The following FOXN3 variants were observed in gnomAD, a reference collection of about 807,000 sequenced individuals.
FOXN3 encodes the protein forkhead box N3.
A neutral mutation model predicts 38.4 loss-of-function variants in FOXN3; 7 were observed. That is an observed-to-expected ratio of 0.18 (90% CI 0.10 to 0.34). The LOEUF (loss-of-function observed/expected upper bound fraction) is 0.34, where lower values mean the gene tolerates loss of function less well. Ranked by LOEUF, FOXN3 falls within the 10% of genes least tolerant of loss-of-function variation. The probability of loss-of-function intolerance (pLI) is 1.00; values close to 1 mark genes in which losing one functional copy is unlikely to be tolerated. For missense variants in FOXN3, 456 were observed against 613.4 expected, an observed-to-expected ratio of 0.74 and a Z score of 2.71; for synonymous variants, 230 against 242.2, an observed-to-expected ratio of 0.95 and a Z score of 0.47.
chr14:89,174,447 T>C lies in FOXN3; in HGVS notation c.851+6254A>G, dbSNP rs113182631. 6.1e-3 allele frequency among the ~76,000 whole-genome samples: 932 copies of C among 152,284 alleles called. 14 individuals are homozygous for C. The highest frequency in any genetic ancestry group is 0.021 in the African/African-American group (876 of 41,558). On this transcript the variant is annotated intron_variant, in intron 5 of 5. Coordinates refer to ENST00000557258, the MANE Select transcript of FOXN3 (RefSeq NM_005197.4). ...AAACTGCTCCCCTAAACCACTGAGATAAACATGATTTCCTTTTTGCAAGAG... is the reference window on the plus strand; with the variant it reads ...AAACTGCTCCCCTAAACCACTGAGACAAACATGATTTCCTTTTTGCAAGAG...
At chr14:89,578,149 C>T (rs987575245) in intron 1 of FOXN3, among the ~76,000 whole-genome samples, 1 of 152,118 alleles carries the variant, frequency 6.6e-6, no homozygotes, top group African/African-American at 2.4e-5. Context: ...ATATAATATC[C>T]TTTGAAAGAC....
intron 1 of FOXN3, among the ~76,000 whole-genome samples, chr14:89,462,906 G>C (rs546000124): frequency 6.6e-6 from 1 of 150,514 alleles, no homozygotes; most frequent in Non-Finnish European, 1.5e-5. Flanking sequence ...GGATGGTCTC[G>C]ATCTCCTGAT....
intron 1 of FOXN3, among the ~76,000 whole-genome samples, chr14:89,574,691 A>G (rs551004541): frequency 6.6e-6 from 1 of 152,280 alleles, no homozygotes; most frequent in South Asian, 2.1e-4. Flanking sequence ...CCTATGTTGG[A>G]ATCTCAATGG....
At chr14:89,265,664 C>T (rs1885954446) in intron 4 of FOXN3, among the ~76,000 whole-genome samples, 1 of 152,190 alleles carries the variant, frequency 6.6e-6, no homozygotes, top group African/African-American at 2.4e-5. Context: ...CTTTTAAAAA[C>T]AAATCATAGA....
At chr14:89,189,798 T>A (rs149302629) in intron 4 of FOXN3, among the ~76,000 whole-genome samples, 1 of 152,296 alleles carries the variant, frequency 6.6e-6, no homozygotes, top group Non-Finnish European at 1.5e-5. Context: ...AAGGTGAGGA[T>A]GGGAGTCCTG....
At chr14:89,336,217 T>TCCAA (rs1762113781) in intron 3 of FOXN3, among the ~76,000 whole-genome samples, 3 of 1,238 alleles carry the variant, frequency 2.4e-3, no homozygotes, top group Admixed American at 0.03. Context: ...TAACGGTGCC[T>TCCAA]CCATCCATCC....
chr14:89,258,685 T>G (rs942401327), intron 4 of FOXN3, among the ~76,000 whole-genome samples: 2 of 152,274 alleles, frequency 1.3e-5, no homozygotes, highest in Non-Finnish European at 2.9e-5. Context: ...CAATTAAAGA[T>G]ATATTCAATG....
intron 3 of FOXN3, among the ~76,000 whole-genome samples, chr14:89,345,718 A>G (rs1420560639): frequency 2.0e-5 from 3 of 152,142 alleles, no homozygotes; most frequent in Non-Finnish European, 4.4e-5. Flanking sequence ...AAGTGAGAAC[A>G]TACGTTTTCC....
At chr14:89,505,655 C>G (rs983530461) in intron 1 of FOXN3, among the ~76,000 whole-genome samples, 1 of 152,070 alleles carries the variant, frequency 6.6e-6, no homozygotes, top group Non-Finnish European at 1.5e-5. Flanking sequence ...CCTGCCTTGG[C>G]CCCCCAAAGT....
chr14:89,378,624 T>A (rs1450301668), intron 2 of FOXN3, among the ~76,000 whole-genome samples: 1 of 151,590 alleles, frequency 6.6e-6, no homozygotes, highest in Non-Finnish European at 1.5e-5. Context: ...TTCTCCCTTT[T>A]GGAACAAAAA....
chr14:89,556,122 G>A (rs780047065), intron 1 of FOXN3, among the ~76,000 whole-genome samples: 5 of 152,098 alleles, frequency 3.3e-5, no homozygotes, highest in Admixed American at 6.6e-5. Context: ...AAGCATCAGA[G>A]GCCGGGTGTG....
intron 4 of FOXN3, 88 bp from the exon 5 acceptor site, chr14:89,180,894 AAG>A (rs199793978): frequency 0.011 from 5,888 of 554,880 alleles, no homozygotes; most frequent in South Asian, 0.015. Context: ...ATAGACCAAT[AAG>A]AGAGAGAGAG....
At chr14:89,335,664 A>C (rs1360311059) in intron 3 of FOXN3, among the ~76,000 whole-genome samples, 1 of 152,250 alleles carries the variant, frequency 6.6e-6, no homozygotes, top group African/African-American at 2.4e-5. Flanking sequence ...ATATCAAATA[A>C]AAGGATGCTA....
intron 3 of FOXN3, among the ~76,000 whole-genome samples, chr14:89,339,852 A>G (rs1341654821): frequency 6.6e-6 from 1 of 152,180 alleles, no homozygotes; most frequent in African/African-American, 2.4e-5. Context: ...GAATGCACCA[A>G]AGCCAGGCCA....
chr14:89,313,740 G>A (rs1887641147), intron 3 of FOXN3, among the ~76,000 whole-genome samples: 2 of 152,096 alleles, frequency 1.3e-5, no homozygotes. Flanking sequence ...AATGTCCCTC[G>A]ATGGCGAATG....
At chr14:89,603,048 C>T (rs551159826) in intron 1 of FOXN3, among the ~76,000 whole-genome samples, 1 of 152,086 alleles carries the variant, frequency 6.6e-6, no homozygotes, top group Non-Finnish European at 1.5e-5. Flanking sequence ...GGGCAAACAC[C>T]TAGACCACCT....
intron 3 of FOXN3, among the ~76,000 whole-genome samples, chr14:89,313,607 T>C (rs1371618303): frequency 2.1e-5 from 3 of 144,120 alleles, no homozygotes; most frequent in Admixed American, 6.9e-5. Flanking sequence ...TATACTACTG[T>C]ATGACGCAGC....
chr14:89,546,567 G>A (rs1894889768), intron 1 of FOXN3, among the ~76,000 whole-genome samples: 1 of 151,394 alleles, frequency 6.6e-6, no homozygotes, highest in African/African-American at 2.4e-5. Flanking sequence ...TTGACCTCGT[G>A]ATCCACCCAC....
At chr14:89,193,667 T>C (rs1888023881) in intron 4 of FOXN3, among the ~76,000 whole-genome samples, 1 of 152,216 alleles carries the variant, frequency 6.6e-6, no homozygotes, top group African/African-American at 2.4e-5. Context: ...GTTTCCAGTT[T>C]GGGATATGAT....
Sources: gnomAD v4.1 joint callset for allele counts (sites outside exome capture counted in the v4.1 genomes callset) on GRCh38, gnomAD v4.1.1 for gene constraint, MANE v1.5 for transcripts, NCBI Gene and HGNC (gene_info 2026-07-23, HGNC 2026-07-21) for gene names.